The following SAMD7 variants were observed in gnomAD, a reference collection of about 807,000 sequenced individuals.
SAMD7 encodes the protein sterile alpha motif domain containing 7.
In SAMD7, 34 loss-of-function variants were observed where a neutral mutation model predicts 36.7. The ratio of observed to expected loss-of-function variants is 0.93; its 90% confidence interval spans 0.71 to 1.23. The LOEUF is 1.23. SAMD7 is among the 50% of genes most tolerant of loss of function. The pLI is 0.00. For synonymous variants in SAMD7, 188 were observed against 189.7 expected (o/e 0.99, Z 0.07); for missense variants, 570 against 546.6 (o/e 1.04, Z -0.43).
Position 169,938,736 on chromosome 3 carries a change from A to G in SAMD7, c.*230A>G, listed in dbSNP as rs1713816279. 2.6e-6 allele frequency: 1 copy of G among 379,698 alleles called. No homozygotes were observed. The highest frequency in any genetic ancestry group is 3.9e-5 in the East Asian group (1 of 25,556). The allele number at this position is 379,698 out of a possible 1,614,324, so 23.5% of individuals were successfully genotyped here. A position where few individuals can be genotyped will look rare whatever the true frequency, so the allele number is the denominator to read the frequency against. On this transcript the variant is annotated 3_prime_UTR_variant, in exon 9 of 9. Transcript: ENST00000335556. ...TTAGGAGCAAATGCTAATGAAGGGG[A>G]GATTTACAAACATCAAGAAAGCTGC...
Position 169,926,750 on chromosome 3 carries a change from A to T in SAMD7, c.488A>T (p.Asn163Ile). 1.2e-6 allele frequency: 2 copies of T among 1,613,636 alleles called. No individual in the cohort carries two copies. The highest frequency in any genetic ancestry group is 2.2e-5 in the South Asian group (2 of 91,044). Reference protein sequence around the residue: ...HRSTLRNLQGNPMLAATAPHF... With the variant: ...HRSTLRNLQGIPMLAATAPHF... ...AGCACCCTCAGAAACCTTCAGGGAA[A>T]CCCCATGCTAGCGGCAACTGCACCA... The change falls in exon 6 of 9, where the codon AAC becomes ATC. Residue 163 changes from asparagine to isoleucine, a missense_variant. Transcript: ENST00000335556.
chr3:169,917,886 C>T (rs1183489412), intron 2 of SAMD7, among the ~76,000 whole-genome samples: 1 of 151,882 alleles, frequency 6.6e-6, no homozygotes, highest in Non-Finnish European at 1.5e-5. Flanking sequence ...CATGATCCGC[C>T]CGCCTCGGCC....
intron 5 of SAMD7, chr3:169,926,075 A>G (rs1200422214): frequency 5.4e-6 from 2 of 372,202 alleles, no homozygotes; most frequent in South Asian, 2.1e-5. Flanking sequence ...CCAATTGAGG[A>G]CCAAAAAGCA....
chr3:169,914,983 C>A (rs1039442586), intron 1 of SAMD7, among the ~76,000 whole-genome samples: 1 of 152,194 alleles, frequency 6.6e-6, no homozygotes, highest in African/African-American at 2.4e-5. Flanking sequence ...AATTCACCTG[C>A]AACCATGGAA....
At chr3:169,935,594 T>G (rs1188097026) in intron 7 of SAMD7, among the ~76,000 whole-genome samples, 2 of 152,152 alleles carry the variant, frequency 1.3e-5, no homozygotes, top group African/African-American at 4.8e-5. Context: ...GTCTAAAGTT[T>G]GAGGAGGGTG....
At chr3:169,928,360 A>T (rs1713357576) in intron 6 of SAMD7, 97 bp from the exon 7 acceptor site, 1 of 1,049,622 alleles carries the variant, frequency 9.5e-7, no homozygotes, top group African/African-American at 1.6e-5. Flanking sequence ...GCGTTTGCAA[A>T]TCAAGACCAC....
chr3:169,924,128 A>G (rs1559950504), intron 4 of SAMD7, among the ~76,000 whole-genome samples: 1 of 152,202 alleles, frequency 6.6e-6, no homozygotes, highest in East Asian at 1.9e-4. Flanking sequence ...CAAAAAACCT[A>G]GAGCTTTACA....
At chr3:169,926,224 C>G in intron 5 of SAMD7, 2 of 1,301,226 alleles carry the variant, frequency 1.5e-6, no homozygotes, top group Non-Finnish European at 2.0e-6. Flanking sequence ...GTTTGAAAAC[C>G]TCTTCCCAGT....
chr3:169,936,735 A>G (rs1017520600), intron 8 of SAMD7, among the ~76,000 whole-genome samples: 1 of 151,958 alleles, frequency 6.6e-6, no homozygotes, highest in Non-Finnish European at 1.5e-5. Context: ...AATATCTCCA[A>G]TTTCTGTGGT....
chr3:169,922,347 A>G (rs1713078588), intron 4 of SAMD7, among the ~76,000 whole-genome samples: 1 of 152,236 alleles, frequency 6.6e-6, no homozygotes. Context: ...AGGAAAAGCA[A>G]GCAAGGGAGA....
intron 7 of SAMD7, 67 bp downstream of exon 7, chr3:169,928,645 T>A: frequency 6.6e-7 from 1 of 1,520,706 alleles, no homozygotes; most frequent in Non-Finnish European, 9.0e-7. Flanking sequence ...GCATAATGAA[T>A]TAGGTCAAAC....
chr3:169,928,369 A>C, intron 6 of SAMD7, 88 bp from the exon 7 acceptor site: 1 of 1,200,690 alleles, frequency 8.3e-7, no homozygotes, highest in Non-Finnish European at 1.2e-6. Context: ...AATCAAGACC[A>C]CTCTGGGGTG....
chr3:169,921,687 G>A (rs1713051370), intron 4 of SAMD7, among the ~76,000 whole-genome samples: 1 of 152,236 alleles, frequency 6.6e-6, no homozygotes, highest in Admixed American at 6.5e-5. Flanking sequence ...TGGTCATAGT[G>A]AGAATTTGGC....
In SAMD7 at chr3:169,928,457, G is replaced by C. The variant is rs1398607329; in HGVS notation, c.920G>C (p.Gly307Ala). ...CPPVPRPSLP[G>A]THALVTIGGN... ...GCCACAATTTCTTTCCATTTTAAAG[G>C]AACACATGCACTGGTTACAATTGGG... The change falls in exon 7 of 9, where the codon GGA (glycine) becomes GCA (alanine). Residue 307 changes from glycine (G) to alanine (A), a missense_variant and splice_region_variant. By Grantham distance (60) the Gly-to-Ala change is moderately conservative. Transcript: ENST00000335556. 3 of 1,610,306 alleles carry C rather than the reference G, an allele frequency of 1.9e-6. No individual in the cohort carries two copies. The South Asian group carries it at 3.3e-5, about 18-fold the overall frequency.
chr3:169,920,871 T>C (rs537316538), intron 3 of SAMD7, among the ~76,000 whole-genome samples: 1 of 152,316 alleles, frequency 6.6e-6, no homozygotes, highest in Admixed American at 6.5e-5. Flanking sequence ...GTATGTCCAT[T>C]AAATGAGAAA....
chr3:169,921,126 C>A, intron 3 of SAMD7, 88 bp from the exon 4 acceptor site: 1 of 1,181,524 alleles, frequency 8.5e-7, no homozygotes, highest in Non-Finnish European at 1.3e-6. Context: ...TCCCATATGG[C>A]AATAACAAAA....
At chr3:169,937,513 G>GT (rs1713763468) in intron 8 of SAMD7, among the ~76,000 whole-genome samples, 1 of 152,092 alleles carries the variant, frequency 6.6e-6, no homozygotes, top group Non-Finnish European at 1.5e-5. Flanking sequence ...GCGGTGTTTG[G>GT]TTTTCTGTTC....
intron 3 of SAMD7, among the ~76,000 whole-genome samples, chr3:169,920,236 G>A (rs73040295): frequency 0.015 from 2,352 of 152,162 alleles, 44 homozygotes; most frequent in African/African-American, 0.044. Flanking sequence ...TTTAAACAAC[G>A]GAACTTTATT....
rs1713792092 is a variant in SAMD7 at position 169,938,262 on chromosome 3, TGA to T, written c.1153-54_1153-53del. ...CCTCTCTGTGATGTGTGTTTAATGC[TGA>T]GTTAATGAAAAAAATTCATAGAATT... On this transcript the variant is annotated intron_variant, in intron 8 of 8. Transcript: ENST00000335556. The T allele has an allele frequency of 2.2e-4, 256 of 1,188,356 alleles. 6 individuals carry two copies. The South Asian group carries it at 3.4e-3, about 16-fold the overall frequency. The allele number at this position is 1,188,356 out of a possible 1,614,324, so 73.6% of individuals were successfully genotyped here.
Sources: allele counts gnomAD v4.1 joint callset (sites outside exome capture counted in the v4.1 genomes callset), GRCh38; gene constraint gnomAD v4.1.1; transcripts MANE v1.5; gene names NCBI Gene and HGNC (gene_info 2026-07-23, HGNC 2026-07-21).